GRK5: variants seen among roughly 807,000 people sequenced by gnomAD.
GRK5 encodes the protein G protein-coupled receptor kinase 5.
A neutral mutation model predicts 78.4 loss-of-function variants in GRK5; 40 were observed. The observed-to-expected ratio is 0.51, with a 90% CI of 0.40 to 0.66. The LOEUF (loss-of-function observed/expected upper bound fraction) is 0.66, where lower values mean the gene tolerates loss of function less well. Among genes scored for constraint, GRK5 ranks in the 30% least tolerant of loss-of-function variants. GRK5 has a pLI of 0.00. For missense variants in GRK5, 598 were observed against 759.9 expected (o/e 0.79, Z 2.50); for synonymous variants, 289 against 296.8 (o/e 0.97, Z 0.27).
chr10:119,281,603 G>A (rs764137724), intron 1 of GRK5, among the ~76,000 whole-genome samples: 2 of 152,124 alleles, frequency 1.3e-5, no homozygotes, highest in Non-Finnish European at 2.9e-5. Flanking sequence ...CACAGGGAGG[G>A]ATCTGGCCGA....
chr10:119,379,142 T>C lies in GRK5; in HGVS notation c.149-1673T>C, dbSNP rs1269331093. ...GACCAAATTATCACATCCATAACGA[T>C]GAGAAATGGGGTTTATTAATGTGCC... is the stretch of plus-strand genomic sequence containing the variant. On this transcript the variant is annotated intron_variant, in intron 2 of 15. Transcript: ENST00000392870. The surrounding 1 kb of genome is among the most constrained non-coding windows in gnomAD (Gnocchi z 4.1). Among the ~76,000 whole-genome samples the C allele has an allele frequency of 2.0e-5, 3 of 152,092 alleles. No homozygotes were observed. The highest frequency in any genetic ancestry group is 7.2e-5 in the African/African-American group (3 of 41,406).
At chr10:119,374,880 A>C (rs914103368) in intron 2 of GRK5, among the ~76,000 whole-genome samples, 1 of 151,940 alleles carries the variant, frequency 6.6e-6, no homozygotes, top group African/African-American at 2.4e-5. Context: ...TTCACCTTCT[A>C]CCACGATTGT....
chr10:119,346,474 T>C (rs1339551255), intron 2 of GRK5, among the ~76,000 whole-genome samples: 1 of 152,122 alleles, frequency 6.6e-6, no homozygotes, highest in African/African-American at 2.4e-5. Context: ...TGGGGCCAGG[T>C]TTATAGAGAT....
intron 1 of GRK5, among the ~76,000 whole-genome samples, chr10:119,231,786 A>T (rs1438610174): frequency 1.3e-5 from 2 of 152,138 alleles, no homozygotes; most frequent in Non-Finnish European, 2.9e-5. Flanking sequence ...ATGAGGTATT[A>T]TCTCACCGCA....
chr10:119,211,128 G>A lies in GRK5; in HGVS notation c.52+3159G>A, dbSNP rs376420726. ...GTATGGGTTCAAGATTTTGAACCAC[G>A]GAAATGTATTTTGGGGCCTGTTTAT... On this transcript the variant is annotated intron_variant, in intron 1 of 15. Coordinates refer to ENST00000392870, the MANE Select transcript of GRK5 (RefSeq NM_005308.3). Among the ~76,000 whole-genome samples the A allele has an allele frequency of 5.9e-5, 9 of 152,264 alleles. No homozygotes were observed. The South Asian group carries it at 1.0e-3, about 18-fold the overall frequency.
At chr10:119,237,126 G>A (rs1056753575) in intron 1 of GRK5, among the ~76,000 whole-genome samples, 2 of 145,330 alleles carry the variant, frequency 1.4e-5, no homozygotes, top group Admixed American at 1.4e-4. Context: ...GCAGCCGCGC[G>A]ATCTTGGCTT....
chr10:119,224,792 T>C (rs959090155), intron 1 of GRK5, among the ~76,000 whole-genome samples: 1 of 152,178 alleles, frequency 6.6e-6, no homozygotes, highest in African/African-American at 2.4e-5. Context: ...TTCCATTCCA[T>C]TGAAAGCTTG....
chr10:119,385,343 C>T (rs998977703), intron 3 of GRK5, among the ~76,000 whole-genome samples: 10 of 152,114 alleles, frequency 6.6e-5, no homozygotes, highest in Non-Finnish European at 2.9e-5. Flanking sequence ...TAGCTCATTG[C>T]AGTCTCAACC....
chr10:119,270,717 C>G (rs764637418), intron 1 of GRK5, among the ~76,000 whole-genome samples: 9 of 152,200 alleles, frequency 5.9e-5, no homozygotes. Flanking sequence ...AGCTGGGGGG[C>G]AGTCTCTAGG....
chr10:119,341,403 C>T (rs1463113725), intron 2 of GRK5, among the ~76,000 whole-genome samples: 1 of 152,224 alleles, frequency 6.6e-6, no homozygotes, highest in Non-Finnish European at 1.5e-5. Context: ...CATCTCCTGA[C>T]TTAGCCATTC....
At chr10:119,249,286 G>GAAAAAAAA (rs1483814931) in intron 1 of GRK5, among the ~76,000 whole-genome samples, 1 of 150,586 alleles carries the variant, frequency 6.6e-6, no homozygotes. Context: ...AACAAAAAAC[G>GAAAAAAAA]AAAAACAAAA....
chr10:119,300,263 G>T (rs1394714710), intron 1 of GRK5, among the ~76,000 whole-genome samples: 2 of 152,218 alleles, frequency 1.3e-5, no homozygotes, highest in South Asian at 4.1e-4. Context: ...CAAGGAAGGA[G>T]AATATAAGTC....
chr10:119,444,739 G>A (rs1853109124), intron 12 of GRK5, among the ~76,000 whole-genome samples: 1 of 152,192 alleles, frequency 6.6e-6, no homozygotes, highest in South Asian at 2.1e-4. Context: ...TGTACCCGGA[G>A]CCACAGATGG....
In GRK5 at chr10:119,264,745, C is replaced by T. The variant is rs1435220927; in HGVS notation, c.52+56776C>T. Among the ~76,000 whole-genome samples, 2 of 152,198 alleles carry T rather than the reference C, an allele frequency of 1.3e-5. No individual in the cohort carries two copies. The highest frequency in any genetic ancestry group is 2.9e-5 in the Non-Finnish European group (2 of 68,030). On this transcript the variant is annotated intron_variant, in intron 1 of 15. Transcript: ENST00000392870. The surrounding 1 kb of genome is among the most constrained non-coding windows in gnomAD (Gnocchi z 4.1). ...TTGTAAGTGGGGTAGGACTATTCTT[C>T]AGCAGTGGGAGGGACCCTGGGTGGA...
chr10:119,212,511 C>T (rs544031252), intron 1 of GRK5, among the ~76,000 whole-genome samples: 19 of 152,172 alleles, frequency 1.2e-4, no homozygotes, highest in Admixed American at 1.1e-3. Context: ...ATTTCAGGAG[C>T]GGGCTCAATG....
At chr10:119,326,414 G>A (rs143234689) in intron 1 of GRK5, 102 bp from the exon 2 acceptor site, 13,687 of 876,406 alleles carry the variant, frequency 0.016, 201 homozygotes, top group Admixed American at 0.048. Context: ...CCTACAGCCC[G>A]TCCCTCTGTC....
intron 2 of GRK5, among the ~76,000 whole-genome samples, chr10:119,339,464 C>T (rs1270151998): frequency 4.6e-5 from 7 of 152,220 alleles, no homozygotes; most frequent in East Asian, 3.8e-4. Context: ...CTCCCCTCCA[C>T]GTCTGCCTGG....
intron 2 of GRK5, among the ~76,000 whole-genome samples, chr10:119,344,937 T>TTCCTTCCTTG (rs1851061919): frequency 1.6e-5 from 1 of 61,502 alleles, no homozygotes; most frequent in Non-Finnish European, 3.6e-5. Flanking sequence ...TTCCTTCCTT[T>TTCCTTCCTTG]TCCTCCCTCC....
Position 119,445,451 on chromosome 10 carries a change from C to A in GRK5, c.1266+1699C>A, listed in dbSNP as rs1245590621. Among the ~76,000 whole-genome samples the A allele has an allele frequency of 6.6e-6, 1 of 152,094 alleles. No homozygotes were observed. The highest frequency in any genetic ancestry group is 2.4e-5 in the African/African-American group (1 of 41,392). On this transcript the variant is annotated intron_variant, in intron 12 of 15. Coordinates refer to ENST00000392870, the MANE Select transcript of GRK5 (RefSeq NM_005308.3). This position sits in a 1 kb window ranked among gnomAD's most constrained non-coding sequence, Gnocchi z 4.1. Reference sequence around the variant, plus strand: ...CCACCCCCAGACCCCAGACACCCACCTTGGCCCCTGGCTTTGGAGCTGGGA... The same window carrying A: ...CCACCCCCAGACCCCAGACACCCACATTGGCCCCTGGCTTTGGAGCTGGGA...
Sources: allele counts gnomAD v4.1 joint callset (sites outside exome capture counted in the v4.1 genomes callset), GRCh38; gene constraint gnomAD v4.1.1; non-coding constraint Gnocchi (gnomAD v3.1); transcripts MANE v1.5; gene names NCBI Gene and HGNC (gene_info 2026-07-23, HGNC 2026-07-21).